The following ZNF410 variants were observed in gnomAD, a reference collection of about 807,000 sequenced individuals.
The protein encoded by ZNF410 is zinc finger protein 410.
Under a neutral mutation model 54.8 loss-of-function variants are expected in ZNF410, and 18 were observed. The ratio of observed to expected loss-of-function variants is 0.33; its 90% CI spans 0.23 to 0.49. The LOEUF (loss-of-function observed/expected upper bound fraction) is 0.49. ZNF410 is among the 20% of genes least tolerant of loss of function. ZNF410 has a pLI of 0.99. For synonymous variants in ZNF410, 191 were observed against 207.3 expected, an observed-to-expected ratio of 0.92 and a Z score of 0.68; for missense variants, 405 against 569.6, an observed-to-expected ratio of 0.71 and a Z score of 2.94.
intron 11 of ZNF410, among the ~76,000 whole-genome samples, chr14:73,930,966 T>C (rs1379881408): frequency 6.6e-6 from 1 of 152,204 alleles, no homozygotes; most frequent in Non-Finnish European, 1.5e-5. Context: ...GAATAGAGCC[T>C]TGTGTATAGA....
intron 11 of ZNF410, among the ~76,000 whole-genome samples, chr14:73,930,784 A>G (rs1311647648): frequency 2.0e-5 from 3 of 151,896 alleles, no homozygotes; most frequent in African/African-American, 7.3e-5. Flanking sequence ...ATTTTCTTGT[A>G]GAGACAGGGC....
intron 8 of ZNF410, chr14:73,915,773 G>A (rs991256098): frequency 6.6e-6 from 1 of 152,084 alleles, no homozygotes; most frequent in Non-Finnish European, 1.5e-5. Context: ...AAACACCTTC[G>A]TGTGTCTGTT....
At chr14:73,902,775 C>T (rs955298316) in intron 5 of ZNF410, among the ~76,000 whole-genome samples, 1 of 152,128 alleles carries the variant, frequency 6.6e-6, no homozygotes, top group Non-Finnish European at 1.5e-5. Context: ...AGGACCACCA[C>T]CTGCTAATCT....
intron 9 of ZNF410, chr14:73,921,324 TAAAAC>T (rs2055751912): frequency 4.3e-6 from 2 of 462,204 alleles, no homozygotes; most frequent in Non-Finnish European, 7.5e-6. Flanking sequence ...CGCCCACCAA[TAAAAC>T]AAAGCAATCT....
At chr14:73,904,157 G>A (rs1346404837) in intron 6 of ZNF410, 47 bp downstream of exon 6, 1 of 1,575,544 alleles carries the variant, frequency 6.3e-7, no homozygotes, top group Non-Finnish European at 8.6e-7. Flanking sequence ...TGATGCAAAA[G>A]TTGATTCTTC....
In ZNF410 at chr14:73,931,434, T is replaced by C. The variant is rs537753457; in HGVS notation, c.1399-69T>C. ...TCTCCATCCTCCACTCTTAATACTT[T>C]TTACTATGAATTATTTTTTCTATAA... On this transcript the variant is annotated intron_variant, in intron 11 of 11. Coordinates refer to ENST00000555044, the MANE Select transcript of ZNF410 (RefSeq NM_021188.3). The C allele has an allele frequency of 3.5e-6, 5 of 1,425,498 alleles. No homozygotes were observed. In the Admixed American group the frequency reaches 7.2e-5, roughly 21 times the overall value. 88.3% of individuals were successfully genotyped at this position (1,425,498 alleles called of 1,614,324 possible). A position where few individuals can be genotyped will look rare whatever the true frequency, so the allele number is the denominator to read the frequency against.
chr14:73,910,189 C>T (rs1425829928), intron 8 of ZNF410, among the ~76,000 whole-genome samples: 4 of 152,128 alleles, frequency 2.6e-5, no homozygotes, highest in Non-Finnish European at 5.9e-5. Context: ...GTTTGTGGAG[C>T]CTACTGGAGG....
At chr14:73,905,968 C>CACACATATAT (rs1461702433) in intron 7 of ZNF410, among the ~76,000 whole-genome samples, 100 of 78,880 alleles carry the variant, frequency 1.3e-3, no homozygotes, top group African/African-American at 3.5e-3. Flanking sequence ...CACACACACA[C>CACACATATAT]ATATATATAT....
Position 73,893,855 on chromosome 14 carries a change from C to G in ZNF410, c.92C>G (p.Ser31Ter). Residue 31 changes from serine (S) to a stop codon, truncating the protein, a stop_gained, in exon 3 of 12, where the codon TCA becomes TGA. Coordinates refer to ENST00000555044, the MANE Select transcript of ZNF410 (RefSeq NM_021188.3). LOFTEE classifies it high-confidence loss of function. ...SIPLGQGLVE[S>*]EAKDITCLSL... ...CCATTGGGACAGGGGCTTGTAGAATCAGAAGCTAAAGATATTACTTGCTTG... is the reference window on the plus strand; with the variant it reads ...CCATTGGGACAGGGGCTTGTAGAATGAGAAGCTAAAGATATTACTTGCTTG... The G allele has an allele frequency of 6.2e-7, 1 of 1,614,116 alleles. No homozygotes were observed. Among genetic ancestry groups the G allele is most frequent in the Non-Finnish European group, 8.5e-7 (1 of 1,180,002 alleles).
chr14:73,894,474 T>C (rs1027277109), intron 3 of ZNF410: 20 of 690,184 alleles, frequency 2.9e-5, no homozygotes, highest in Non-Finnish European at 3.9e-5. Context: ...CAGGCTGGAG[T>C]GTAGTGACGC....
chr14:73,897,971 C>CA (rs5809635), intron 4 of ZNF410, 100 bp from the exon 5 acceptor site: 170,681 of 681,208 alleles, frequency 0.25, 7,181 homozygotes, highest in Non-Finnish European at 0.27. Flanking sequence ...GACGCCGTCT[C>CA]AAAAAAAAAA....
At chr14:73,910,400 C>T (rs2055558595) in intron 8 of ZNF410, among the ~76,000 whole-genome samples, 1 of 152,124 alleles carries the variant, frequency 6.6e-6, no homozygotes, top group Admixed American at 6.6e-5. Context: ...TAAAGTTATA[C>T]AGCAATGGAG....
At chr14:73,911,663 T>C (rs1594757804) in intron 8 of ZNF410, among the ~76,000 whole-genome samples, 3 of 152,224 alleles carry the variant, frequency 2.0e-5, no homozygotes, top group African/African-American at 7.2e-5. Context: ...AGTGGTGTTA[T>C]ACCTGTCAAA....
intron 5 of ZNF410, among the ~76,000 whole-genome samples, chr14:73,900,694 C>T (rs1281593350): frequency 6.6e-6 from 1 of 152,148 alleles, no homozygotes; most frequent in Non-Finnish European, 1.5e-5. Context: ...CATTTTAAAT[C>T]ATATGAAATA....
At chr14:73,903,447 G>GT in intron 5 of ZNF410, among the ~76,000 whole-genome samples, 1 of 152,116 alleles carries the variant, frequency 6.6e-6, no homozygotes, top group Non-Finnish European at 1.5e-5. Context: ...TTTTTCTGGA[G>GT]TAAGGGAATG....
At chr14:73,897,984 A>AAAAG in intron 4 of ZNF410, 87 bp from the exon 5 acceptor site, 1 of 1,285,244 alleles carries the variant, frequency 7.8e-7, no homozygotes, top group East Asian at 2.4e-5. Context: ...AAAAAAAAAA[A>AAAAG]AAAAAAGGGA....
intron 3 of ZNF410, 83 bp from the exon 4 acceptor site, chr14:73,896,233 A>T: frequency 1.0e-6 from 1 of 969,854 alleles, no homozygotes; most frequent in Non-Finnish European, 1.6e-6. Context: ...TTAGCTTCCA[A>T]GAGATGTTGG....
intron 11 of ZNF410, among the ~76,000 whole-genome samples, chr14:73,929,894 C>A (rs1300215274): frequency 6.6e-6 from 1 of 152,096 alleles, no homozygotes; most frequent in Non-Finnish European, 1.5e-5. Flanking sequence ...TGGACAATCT[C>A]TATTTTCCCT....
At chr14:73,897,362 T>G (rs1168650249) in intron 4 of ZNF410, among the ~76,000 whole-genome samples, 4 of 152,170 alleles carry the variant, frequency 2.6e-5, no homozygotes, top group Non-Finnish European at 5.9e-5. Context: ...TTTCTAATTC[T>G]TTTTAAAAAT....
Sources: allele counts gnomAD v4.1 joint callset (sites outside exome capture counted in the v4.1 genomes callset), GRCh38; gene constraint gnomAD v4.1.1; transcripts MANE v1.5; gene names NCBI Gene and HGNC (gene_info 2026-07-23, HGNC 2026-07-21).